The following USE1 variants were observed in gnomAD, a reference collection of about 807,000 sequenced individuals.
The protein encoded by USE1 is vesicle transport protein USE1.
In USE1, 32 loss-of-function variants were observed where a neutral mutation model predicts 37.6. That is an observed-to-expected ratio of 0.85 (90% CI 0.64 to 1.14). USE1 has a LOEUF of 1.14. Ranked by LOEUF, USE1 falls within the 50% of genes most tolerant of loss-of-function variation. The pLI, the probability that USE1 is intolerant of heterozygous loss-of-function variation, is 0.00. For synonymous variants in USE1, 149 were observed against 137.6 expected (o/e 1.08, Z -0.58); for missense variants, 310 against 332.2 (o/e 0.93, Z 0.52).
At chr19:17,215,730 C>T in intron 1 of USE1, 72 bp from the exon 2 acceptor site, 1 of 1,010,876 alleles carries the variant, frequency 9.9e-7, no homozygotes, top group South Asian at 1.4e-5. Context: ...CATTTGTCGG[C>T]CCCGCCCCCC....
chr19:17,219,164 C>T (rs1195777578), intron 6 of USE1, 49 bp from the exon 7 acceptor site: 4 of 1,562,530 alleles, frequency 2.6e-6, no homozygotes, highest in South Asian at 1.2e-5. Context: ...GTCTTCTCCC[C>T]TTTCCCACTC....
intron 4 of USE1, 145 bp from the exon 5 acceptor site, chr19:17,217,308 G>C (rs2073296781): frequency 2.2e-6 from 2 of 897,322 alleles, no homozygotes; most frequent in East Asian, 3.2e-5. Flanking sequence ...CTAACTTTTT[G>C]TATTTTTAGT....
intron 6 of USE1, 149 bp downstream of exon 6, chr19:17,218,540 C>G (rs2343616): frequency 1.9e-6 from 2 of 1,027,800 alleles, no homozygotes; most frequent in African/African-American, 3.3e-5. Context: ...TCCCAGAAGT[C>G]AAAGGCCAGG....
At position 17,216,425 on chromosome 19, in the gene USE1, G is replaced by A. The variant is rs1238016311; in HGVS notation, c.384+104G>A. 3.4e-6 allele frequency: 5 copies of A among 1,477,398 alleles called. No individual in the cohort carries two copies. In the East Asian group the frequency reaches 6.9e-5, roughly 20 times the overall value. The allele number at this position is 1,477,398 out of a possible 1,614,324, so 91.5% of individuals were successfully genotyped here. The stretch of plus-strand genomic sequence containing the variant: ...ATACTGTCAGATACAGGAACCCTAA[G>A]GGGGTCCAGCAATCTCTTCCCTGGG... On this transcript the variant is annotated intron_variant, in intron 4 of 7. Coordinates refer to ENST00000263897, the MANE Select transcript of USE1 (RefSeq NM_018467.4).
intron 1 of USE1, 48 bp from the exon 2 acceptor site, chr19:17,215,754 C>CA (rs1568308632): frequency 1.1e-5 from 14 of 1,295,388 alleles, no homozygotes; most frequent in Non-Finnish European, 1.5e-5. Context: ...CTCCCATGAT[C>CA]AGGACATGGG....
intron 4 of USE1, 114 bp downstream of exon 4, chr19:17,216,435 C>CA: frequency 7.1e-7 from 1 of 1,409,556 alleles, no homozygotes; most frequent in South Asian, 1.3e-5. Flanking sequence ...GGGGGTCCAG[C>CA]AATCTCTTCC....
intron 7 of USE1, 38 bp from the exon 8 acceptor site, chr19:17,219,593 C>T (rs774214326): frequency 1.3e-6 from 2 of 1,564,352 alleles, no homozygotes; most frequent in Non-Finnish European, 1.7e-6. Context: ...CCATTCTTGG[C>T]CCCAGTCCTG....
In USE1 at chr19:17,217,468, T is replaced by C; in HGVS notation, c.394+6T>C. On this transcript the variant is annotated splice_donor_region_variant and intron_variant, in intron 5 of 7. Transcript: ENST00000263897. Reference sequence around the variant, plus strand: ...CTTTCCACAGGACTCTGCAGGTGAGTCACCATGAACACAACAGGACTTGAG... The same window carrying C: ...CTTTCCACAGGACTCTGCAGGTGAGCCACCATGAACACAACAGGACTTGAG... 6.2e-7 allele frequency: 1 copy of C among 1,611,034 alleles called. No homozygotes were observed. Among genetic ancestry groups the C allele is most frequent in the South Asian group, 1.1e-5 (1 of 90,726 alleles).
rs1444234027 is a variant in USE1 at position 17,215,391 on chromosome 19, T to C, written c.-15T>C. ...CATGGAGCCGGCGGAAGGGGTGGTG[T>C]AGGGCCGGGCGATAATGGCGGCGTC... On this transcript the variant is annotated 5_prime_UTR_variant, in exon 1 of 8. The change abolishes the stop of an existing upstream ORF in the 5' untranslated region. Transcript: ENST00000263897. 1 of 1,552,732 alleles carries C rather than the reference T, an allele frequency of 6.4e-7. No homozygotes were observed. The highest frequency in any genetic ancestry group is 2.0e-5 in the Admixed American group (1 of 51,248).
At chr19:17,218,749 C>T (rs548088518) in intron 6 of USE1, 1 of 194,898 alleles carries the variant, frequency 5.1e-6, no homozygotes, top group African/African-American at 2.4e-5. Context: ...ACTGCTTGAA[C>T]CTGGGAGGTG....
chr19:17,216,390 C>T, intron 4 of USE1, 69 bp downstream of exon 4: 1 of 1,571,218 alleles, frequency 6.4e-7, no homozygotes, highest in South Asian at 1.1e-5. Context: ...TGTAGGCAGC[C>T]AGAACCACAA....
intron 5 of USE1, 86 bp downstream of exon 5, chr19:17,217,548 G>A (rs951597573): frequency 7.0e-5 from 108 of 1,543,942 alleles, no homozygotes; most frequent in Non-Finnish European, 8.4e-5. Context: ...CCTCCATGCC[G>A]AGACTCCATG....
chr19:17,217,176 C>G (rs1163473186), intron 4 of USE1, among the ~76,000 whole-genome samples: 1 of 149,490 alleles, frequency 6.7e-6, no homozygotes, highest in African/African-American at 2.5e-5. Context: ...GCTCTTGTTG[C>G]CCAGGCTAGA....
In USE1 at chr19:17,217,507, G is replaced by A. The variant is rs554596383; in HGVS notation, c.394+45G>A. 79 of 1,606,728 alleles carry A rather than the reference G, an allele frequency of 4.9e-5. 1 individual carries two copies. In the South Asian group the frequency reaches 8.0e-4, roughly 16 times the overall value. On this transcript the variant is annotated intron_variant, in intron 5 of 7. Coordinates refer to ENST00000263897, the MANE Select transcript of USE1 (RefSeq NM_018467.4). The stretch of plus-strand genomic sequence containing the variant: ...ACAGGACTTGAGGGCCAGCTGACTA[G>A]GACAAGACATGTATCCTTGCTGCCC...
rs1395472538 is a variant in USE1 at position 17,219,339 on chromosome 19, C to G, written c.549C>G (p.Leu183=). The G allele has an allele frequency of 6.3e-7, 1 of 1,592,370 alleles. No individual in the cohort carries two copies. The highest frequency in any genetic ancestry group is 8.5e-7 in the Non-Finnish European group (1 of 1,169,758). Residue 183 remains leucine, a synonymous_variant, in exon 7 of 8, where the codon CTC becomes CTG. Coordinates refer to ENST00000263897, the MANE Select transcript of USE1 (RefSeq NM_018467.4). ...AEEMLGLARS[L]KTNTLAAQSV... is the part of the protein sequence containing the mutation. ...AGATGCTAGGACTGGCCCGGAGCCT[C>G]AAGACCAATACCCTGGCCGCCCAGA...
At position 17,215,904 on chromosome 19, in the gene USE1, G is replaced by T. The variant is rs2073286978; in HGVS notation, c.152+53G>T. Reference sequence around the variant, plus strand: ...ACATCAGCACGTGGCTGTGCTACTGGACATCCCAGTACCGCTATCCCAGCT... The same window carrying T: ...ACATCAGCACGTGGCTGTGCTACTGTACATCCCAGTACCGCTATCCCAGCT... On this transcript the variant is annotated intron_variant, in intron 2 of 7. Coordinates refer to ENST00000263897, the MANE Select transcript of USE1 (RefSeq NM_018467.4). 1.8e-5 allele frequency: 28 copies of T among 1,589,820 alleles called. No homozygotes were observed. In the South Asian group the frequency reaches 3.2e-4, roughly 18 times the overall value.
At position 17,216,061 on chromosome 19, in the gene USE1, C is replaced by T. The variant is rs778330951; in HGVS notation, c.222C>T (p.Ala74=). ...ATTTTCTGAAGGGGATGCTGCAAGCCGAGAAGCTGGTGAGAAGGGGTGCCC... is the reference window on the plus strand; with the variant it reads ...ATTTTCTGAAGGGGATGCTGCAAGCTGAGAAGCTGGTGAGAAGGGGTGCCC... ...KVDFLKGMLQ[A]EKLTSSSEKA... is the part of the protein sequence containing the mutation. The change falls in exon 3 of 8, where the codon GCC becomes GCT. Residue 74 remains alanine, a synonymous_variant. Coordinates refer to ENST00000263897, the MANE Select transcript of USE1 (RefSeq NM_018467.4). 6.8e-6 allele frequency: 11 copies of T among 1,612,352 alleles called. No homozygotes were observed. Among genetic ancestry groups the T allele is most frequent in the Admixed American group, 3.4e-5 (2 of 59,676 alleles).
chr19:17,216,290 C>T lies in USE1; in HGVS notation c.353C>T (p.Thr118Ile). Reference protein sequence around the residue: ...TVHLQSRARYTSEMRSELLGT... With the variant: ...TVHLQSRARYISEMRSELLGT... ...CATCTGCAGTCACGGGCGCGGTACA[C>T]CAGCGAGATGCGGAGTGAGCTACTA... The change falls in exon 4 of 8, where the codon ACC becomes ATC. Residue 118 changes from threonine (T) to isoleucine (I), a missense_variant. Coordinates refer to ENST00000263897, the MANE Select transcript of USE1 (RefSeq NM_018467.4). 6.2e-7 allele frequency: 1 copy of T among 1,612,848 alleles called. No individual in the cohort carries two copies. Among genetic ancestry groups the T allele is most frequent in the East Asian group, 2.2e-5 (1 of 44,874 alleles).
chr19:17,216,375 A>G (rs753871124), intron 4 of USE1, 54 bp downstream of exon 4: 1 of 1,586,202 alleles, frequency 6.3e-7, no homozygotes, highest in African/African-American at 1.3e-5. Context: ...TAGGGGTTCT[A>G]TGCTTGTAGG....
Sources: allele counts gnomAD v4.1 joint callset (sites outside exome capture counted in the v4.1 genomes callset), GRCh38; gene constraint gnomAD v4.1.1; transcripts MANE v1.5; gene names NCBI Gene and HGNC (gene_info 2026-07-23, HGNC 2026-07-21).